The following TMEM52B variants were observed in gnomAD, a reference collection of about 807,000 sequenced individuals.
The protein encoded by TMEM52B is transmembrane protein 52B.
Under a neutral mutation model 16.1 loss-of-function variants are expected in TMEM52B, and 11 were observed. That is an observed-to-expected ratio of 0.68 (90% CI 0.43 to 1.13). The LOEUF is 1.13. Ranked by LOEUF, TMEM52B falls within the 50% of genes most tolerant of loss-of-function variation. The pLI is 0.00. For synonymous variants in TMEM52B, 101 were observed against 93.8 expected (o/e 1.08, Z -0.45); for missense variants, 243 against 230.4 (o/e 1.05, Z -0.35).
intron 4 of TMEM52B, among the ~76,000 whole-genome samples, chr12:10,188,999 A>C (rs1419303793): frequency 8.1e-6 from 1 of 124,158 alleles, no homozygotes; most frequent in Non-Finnish European, 1.6e-5. Context: ...CCTGGGCGAC[A>C]GAGCGAGACT....
intron 1 of TMEM52B, among the ~76,000 whole-genome samples, chr12:10,181,718 T>G (rs1948824795): frequency 6.6e-6 from 1 of 151,592 alleles, no homozygotes; most frequent in African/African-American, 2.4e-5. Flanking sequence ...TGTGATTAAA[T>G]GTTATGAAAT....
At chr12:10,172,262 A>G in intron 1 of TMEM52B, 1 of 546,660 alleles carries the variant, frequency 1.8e-6, no homozygotes, top group Non-Finnish European at 3.3e-6. Flanking sequence ...CAAATTCTTG[A>G]GTTATGTGTA....
At chr12:10,186,033 C>T (rs7305343) in intron 3 of TMEM52B, among the ~76,000 whole-genome samples, 5,085 of 151,584 alleles carry the variant, frequency 0.034, 260 homozygotes, top group African/African-American at 0.12. Context: ...AAGAGCAAAA[C>T]TCTGTCTAAA....
chr12:10,177,940 G>C (rs922737235), upstream of TMEM52B, among the ~76,000 whole-genome samples: 2 of 151,312 alleles, frequency 1.3e-5, no homozygotes, highest in Non-Finnish European at 2.9e-5. Context: ...CTATCACCCA[G>C]GCTGGAGTGC....
chr12:10,172,376 T>C (rs140754411), intron 1 of TMEM52B: 144 of 248,564 alleles, frequency 5.8e-4, no homozygotes, highest in African/African-American at 2.9e-3. Context: ...GGAGAGATAT[T>C]GTACCCACTC....
chr12:10,186,604 C>T lies in TMEM52B; in HGVS notation c.307+15C>T, dbSNP rs1948883101. ...CACTATCACATGTGAGTACACTGAACTTTTAACCTGGGAGGAGGACCCAAT... is the reference window on the plus strand; with the variant it reads ...CACTATCACATGTGAGTACACTGAATTTTTAACCTGGGAGGAGGACCCAAT... On this transcript the variant is annotated intron_variant, in intron 4 of 4. Transcript: ENST00000543484. 1 of 1,540,730 alleles carries T rather than the reference C, an allele frequency of 6.5e-7. No individual in the cohort carries two copies.
Position 10,182,586 on chromosome 12 carries a change from C to T in TMEM52B, c.91C>T (p.Pro31Ser). 6.5e-7 allele frequency: 1 copy of T among 1,535,298 alleles called. No homozygotes were observed. Among genetic ancestry groups the T allele is most frequent in the South Asian group, 1.2e-5 (1 of 83,950 alleles). Reference protein sequence around the residue: ...GTRCEENCGNPEHCLTTDWVH... With the variant: ...GTRCEENCGNSEHCLTTDWVH... The stretch of plus-strand genomic sequence containing the variant: ...GAGATGTGAGGAAAACTGTGGTAAT[C>T]CTGAACAGTAAGTATAGAGTTCAAG... The change falls in exon 2 of 5, where the codon CCT becomes TCT. Residue 31 changes from proline (P) to serine (S), a missense_variant. Coordinates refer to ENST00000543484, the MANE Select transcript of TMEM52B (RefSeq NM_001384896.1).
intron 2 of TMEM52B, among the ~76,000 whole-genome samples, chr12:10,184,562 G>A (rs1428196400): frequency 6.6e-6 from 1 of 152,116 alleles, no homozygotes; most frequent in East Asian, 1.9e-4. Context: ...CTTGCCTGGT[G>A]TGTGCGGAAA....
intron 4 of TMEM52B, among the ~76,000 whole-genome samples, chr12:10,188,177 T>A (rs891791555): frequency 5.9e-5 from 9 of 152,128 alleles, no homozygotes; most frequent in Non-Finnish European, 8.8e-5. Context: ...TTTCTCACTG[T>A]CATCTTAGGA....
upstream of TMEM52B, among the ~76,000 whole-genome samples, chr12:10,178,143 C>T (rs1948781819): frequency 6.6e-6 from 1 of 151,872 alleles, no homozygotes; most frequent in Admixed American, 6.5e-5. Context: ...TATCAGCCCG[C>T]CTTGGCCTCC....
At position 10,190,505 on chromosome 12, in the gene TMEM52B, G is replaced by A. The variant is rs766920910; in HGVS notation, c.*365G>A. The A allele has an allele frequency of 2.0e-4, 46 of 232,636 alleles. No individual in the cohort carries two copies. Among genetic ancestry groups the A allele is most frequent in the Non-Finnish European group, 3.5e-4 (40 of 114,648 alleles). The allele number at this position is 232,636 out of a possible 1,614,324, so 14.4% of individuals were successfully genotyped here. A position where few individuals can be genotyped will look rare whatever the true frequency, so the allele number is the denominator to read the frequency against. ...CTCTCTCTGTCAGCGAATCCACTGC[G>A]GTTAACTGGAAAAGAAAGACAACAG... is the stretch of plus-strand genomic sequence containing the variant. On this transcript the variant is annotated 3_prime_UTR_variant, in exon 5 of 5. Coordinates refer to ENST00000543484, the MANE Select transcript of TMEM52B (RefSeq NM_001384896.1).
intron 4 of TMEM52B, among the ~76,000 whole-genome samples, chr12:10,187,060 C>T (rs1259552536): frequency 6.9e-6 from 1 of 145,082 alleles, no homozygotes; most frequent in Admixed American, 6.9e-5. Context: ...TTATAAGACA[C>T]TTTCCCTTTT....
chr12:10,180,501 T>A (rs1948810517), intron 1 of TMEM52B, among the ~76,000 whole-genome samples: 1 of 152,196 alleles, frequency 6.6e-6, no homozygotes, highest in Non-Finnish European at 1.5e-5. Flanking sequence ...CATGGTTGCG[T>A]AGAGGAAACA....
At position 10,186,403 on chromosome 12, in the gene TMEM52B, C is replaced by T. The variant is rs371959705; in HGVS notation, c.138-17C>T. ...GCCAGATCCCAGAGCTCCCACTCGC[C>T]CCGTGGGCTTTTGCAGGTTGCTAGT... is the stretch of plus-strand genomic sequence containing the variant. On this transcript the variant is annotated splice_polypyrimidine_tract_variant and intron_variant, in intron 3 of 4. Coordinates refer to ENST00000543484, the MANE Select transcript of TMEM52B (RefSeq NM_001384896.1). 2 of 1,592,214 alleles carry T rather than the reference C, an allele frequency of 1.3e-6. No homozygotes were observed. The highest frequency in any genetic ancestry group is 1.1e-5 in the South Asian group (1 of 88,628).
intron 2 of TMEM52B, among the ~76,000 whole-genome samples, chr12:10,184,933 C>T (rs1048009589): frequency 6.6e-6 from 1 of 152,050 alleles, no homozygotes; most frequent in East Asian, 1.9e-4. Context: ...AGGCTGGTCT[C>T]CAACTCCTGA....
intron 1 of TMEM52B, among the ~76,000 whole-genome samples, chr12:10,172,847 T>G (rs1229914119): frequency 6.6e-6 from 1 of 152,198 alleles, no homozygotes; most frequent in African/African-American, 2.4e-5. Flanking sequence ...TCAAATGACA[T>G]GTCTGGAAAT....
Position 10,185,337 on chromosome 12 carries a change from AC to A in TMEM52B, c.108del (p.Thr37GlnfsTer12). On this transcript the variant is annotated frameshift_variant, in exon 3 of 5. Transcript: ENST00000543484. LOFTEE classifies it high-confidence loss of function. ...ENCGNPEHCLTTDWVHLWYIW... is the reference protein window; with the variant it reads ...ENCGNPEHCLXTDWVHLWYIW... Reference sequence around the variant, plus strand: ...TTTATTCTTTCTTTATAGTTGCCTGACCACAGACTGGGTACATCTCTGGTAT... The same window carrying A: ...TTTATTCTTTCTTTATAGTTGCCTGACACAGACTGGGTACATCTCTGGTAT... The A allele has an allele frequency of 6.2e-7, 1 of 1,605,916 alleles. No homozygotes were observed. The highest frequency in any genetic ancestry group is 8.5e-7 in the Non-Finnish European group (1 of 1,172,474).
rs1192186099 is a variant in TMEM52B, at chr12:10,182,607, T to G, written c.98+14T>G. On this transcript the variant is annotated intron_variant, in intron 2 of 4. Transcript: ENST00000543484. ...TAATCCTGAACAGTAAGTATAGAGTTCAAGCTGGGAGGAAGGAGCAACAGA... is the reference window on the plus strand; with the variant it reads ...TAATCCTGAACAGTAAGTATAGAGTGCAAGCTGGGAGGAAGGAGCAACAGA... 1 of 1,532,386 alleles carries G rather than the reference T, an allele frequency of 6.5e-7. No individual in the cohort carries two copies. Among genetic ancestry groups the G allele is most frequent in the East Asian group, 2.5e-5 (1 of 40,752 alleles). The allele number at this position is 1,532,386 out of a possible 1,614,324, so 94.9% of individuals were successfully genotyped here. A position where few individuals can be genotyped will look rare whatever the true frequency, so the allele number is the denominator to read the frequency against.
At chr12:10,173,791 A>C (rs1948744725) in intron 1 of TMEM52B, among the ~76,000 whole-genome samples, 1 of 152,038 alleles carries the variant, frequency 6.6e-6, no homozygotes, top group African/African-American at 2.4e-5. Context: ...AGAATTAAAA[A>C]ATACTGAAAC....
Sources: gnomAD v4.1 joint callset for allele counts (sites outside exome capture counted in the v4.1 genomes callset) on GRCh38, gnomAD v4.1.1 for gene constraint, MANE v1.5 for transcripts, NCBI Gene and HGNC (gene_info 2026-07-23, HGNC 2026-07-21) for gene names.